The following PLCG2 variants were observed in gnomAD, a reference collection of about 807,000 sequenced individuals.
PLCG2 encodes 1-phosphatidylinositol 4,5-bisphosphate phosphodiesterase gamma-2.
A neutral mutation model predicts 175.6 loss-of-function variants in PLCG2; 69 were observed. That is an observed-to-expected ratio of 0.39 (90% CI 0.32 to 0.48). The LOEUF (loss-of-function observed/expected upper bound fraction) is 0.48. PLCG2 is among the 20% of genes least tolerant of loss of function. The pLI is 0.91. For missense variants in PLCG2, 1,798 were observed against 1,650.9 expected, an observed-to-expected ratio of 1.09 and a Z score of -1.54; for synonymous variants, 827 against 624.0, an observed-to-expected ratio of 1.33 and a Z score of -4.85.
At chr16:81,810,360 C>T (rs909100665) in intron 2 of PLCG2, among the ~76,000 whole-genome samples, 5 of 152,200 alleles carry the variant, frequency 3.3e-5, no homozygotes, top group African/African-American at 9.7e-5. Flanking sequence ...CATAAGAGAC[C>T]GTTTTTCTCT....
At chr16:81,755,754 G>C (rs1909908350) in intron 1 of PLCG2, 1 of 152,106 alleles carries the variant, frequency 6.6e-6, no homozygotes, top group Non-Finnish European at 1.5e-5. Context: ...TCCAATTCCT[G>C]ACCTCAAGTG....
upstream of PLCG2, among the ~76,000 whole-genome samples, chr16:81,776,257 C>T (rs998428654): frequency 6.7e-6 from 1 of 150,300 alleles, no homozygotes; most frequent in African/African-American, 2.5e-5. Context: ...TATAGGCACC[C>T]ACCACCAGGC....
intron 31 of PLCG2, among the ~76,000 whole-genome samples, chr16:81,952,273 A>G (rs952351448): frequency 1.3e-5 from 2 of 152,132 alleles, no homozygotes; most frequent in African/African-American, 4.8e-5. Context: ...TTATATATAT[A>G]TATTCACACG....
chr16:81,828,174 C>T (rs1440978782), intron 2 of PLCG2, among the ~76,000 whole-genome samples: 1 of 150,626 alleles, frequency 6.6e-6, no homozygotes, highest in Non-Finnish European at 1.5e-5. Flanking sequence ...CACTCCTGTA[C>T]CCTGATGCAG....
rs186891652 is a variant in PLCG2 at position 81,858,151 on chromosome 16, A to G, written c.338-112A>G. 253 of 784,138 alleles carry G rather than the reference A, an allele frequency of 3.2e-4. 2 individuals are homozygous for G. The highest frequency in any genetic ancestry group is 9.6e-4 in the Admixed American group (50 of 52,262). 48.6% of individuals were successfully genotyped at this position (784,138 alleles called of 1,614,324 possible). On this transcript the variant is annotated intron_variant, in intron 3 of 32. Transcript: ENST00000564138. ...TGCTTTCTTTGCCTTCTGCAAAACT[A>G]GAAACCAGCATAGGCTTCTCCCATC... is the stretch of plus-strand genomic sequence containing the variant.
chr16:81,918,598 C>A (rs775060695), intron 19 of PLCG2, among the ~76,000 whole-genome samples: 7 of 152,128 alleles, frequency 4.6e-5, no homozygotes, highest in Non-Finnish European at 8.8e-5. Flanking sequence ...TTCTGTTCCA[C>A]TGGTCTGTGT....
At chr16:81,896,186 C>G (rs1317392137) in intron 13 of PLCG2, among the ~76,000 whole-genome samples, 1 of 152,150 alleles carries the variant, frequency 6.6e-6, no homozygotes, top group Non-Finnish European at 1.5e-5. Context: ...CTGCTCAGTG[C>G]CCACCCCACC....
intron 5 of PLCG2, among the ~76,000 whole-genome samples, chr16:81,866,217 A>C (rs1907227413): frequency 9.0e-6 from 1 of 111,326 alleles, no homozygotes; most frequent in Admixed American, 8.3e-5. Flanking sequence ...CACCAGCATG[A>C]GAGGACGCTG....
At chr16:81,848,094 T>C (rs749083442) in intron 2 of PLCG2, among the ~76,000 whole-genome samples, 4 of 152,224 alleles carry the variant, frequency 2.6e-5, no homozygotes, top group Admixed American at 6.5e-5. Flanking sequence ...TACTCTAACG[T>C]TCCAGTAATC....
At chr16:81,942,869 T>A (rs1394914170) in intron 30 of PLCG2, among the ~76,000 whole-genome samples, 1 of 151,350 alleles carries the variant, frequency 6.6e-6, no homozygotes, top group Non-Finnish European at 1.5e-5. Context: ...GTGTCTGTAT[T>A]TCCCTTTCCC....
intron 2 of PLCG2, among the ~76,000 whole-genome samples, chr16:81,830,273 T>C (rs1453019787): frequency 6.6e-6 from 1 of 152,130 alleles, no homozygotes; most frequent in Non-Finnish European, 1.5e-5. Flanking sequence ...TGAGCTGTGA[T>C]CATGCCACTC....
intron 2 of PLCG2, among the ~76,000 whole-genome samples, chr16:81,758,277 C>G (rs998530800): frequency 6.6e-6 from 1 of 152,154 alleles, no homozygotes; most frequent in Non-Finnish European, 1.5e-5. Context: ...CGTGCCCAGG[C>G]TCACTTAGCA....
chr16:81,780,767 C>G (rs896134599), intron 1 of PLCG2, among the ~76,000 whole-genome samples: 3 of 152,188 alleles, frequency 2.0e-5, no homozygotes, highest in Admixed American at 6.5e-5. Flanking sequence ...TGGCTCACAC[C>G]TGTAATCCCA....
chr16:81,869,828 T>TATATC (rs1907426826), intron 6 of PLCG2, among the ~76,000 whole-genome samples: 1 of 152,142 alleles, frequency 6.6e-6, no homozygotes. Context: ...GTAAAGCCAC[T>TATATC]CCATGAGTGA....
At chr16:81,811,840 G>T (rs1422654617) in intron 2 of PLCG2, among the ~76,000 whole-genome samples, 1 of 152,124 alleles carries the variant, frequency 6.6e-6, no homozygotes, top group East Asian at 1.9e-4. Context: ...ATGTGTGCAT[G>T]TGTCTTTATA....
chr16:81,780,765 A>C (rs553824802), intron 1 of PLCG2, among the ~76,000 whole-genome samples: 49 of 152,274 alleles, frequency 3.2e-4, no homozygotes, highest in African/African-American at 1.1e-3. Context: ...GGTGGCTCAC[A>C]CCTGTAATCC....
intron 2 of PLCG2, among the ~76,000 whole-genome samples, chr16:81,826,650 C>A (rs1207959962): frequency 6.6e-6 from 1 of 152,160 alleles, no homozygotes; most frequent in African/African-American, 2.4e-5. Context: ...ACTCATTAAC[C>A]ACGTCCTCTC....
chr16:81,778,016 C>CAAAAAAAAAAAAAAAA (rs753644088), upstream of PLCG2, among the ~76,000 whole-genome samples: 3 of 49,076 alleles, frequency 6.1e-5, no homozygotes, highest in Admixed American at 2.3e-4. Flanking sequence ...GACTTTGTCT[C>CAAAAAAAAAAAAAAAA]AAAAAAAAAA....
intron 1 of PLCG2, among the ~76,000 whole-genome samples, chr16:81,742,479 C>A (rs754560188): frequency 6.6e-6 from 1 of 152,144 alleles, no homozygotes; most frequent in South Asian, 2.1e-4. Flanking sequence ...CCCCAGCCCC[C>A]ATGCAGGGTG....
Sources: allele counts gnomAD v4.1 joint callset (sites outside exome capture counted in the v4.1 genomes callset), GRCh38; gene constraint gnomAD v4.1.1; transcripts MANE v1.5; gene names NCBI Gene and HGNC (gene_info 2026-07-23, HGNC 2026-07-21).